Variants in HNRNPUL1 observed in about 807,000 individuals in gnomAD.
HNRNPUL1 encodes the protein heterogeneous nuclear ribonucleoprotein U-like protein 1.
HNRNPUL1 carries 14 observed loss-of-function variants against 108.5 expected under a neutral mutation model. That is an observed-to-expected ratio of 0.13 (90% CI 0.09 to 0.20). The LOEUF (loss-of-function observed/expected upper bound fraction) is 0.20, where lower values mean the gene tolerates loss of function less well. Among genes scored for constraint, HNRNPUL1 ranks in the 10% least tolerant of loss-of-function variants. HNRNPUL1 has a pLI of 1.00. For synonymous variants in HNRNPUL1, 422 were observed against 445.2 expected (o/e 0.95, Z 0.66); for missense variants, 804 against 1,168.3 (o/e 0.69, Z 4.55).
At chr19:41,303,529 T>C (rs918838151) in intron 12 of HNRNPUL1, among the ~76,000 whole-genome samples, 2 of 152,078 alleles carry the variant, frequency 1.3e-5, no homozygotes, top group Admixed American at 1.3e-4. Flanking sequence ...TAATTTTGTA[T>C]TTTTAGTAGA....
chr19:41,294,735 T>C lies in HNRNPUL1; in HGVS notation c.1518+49T>C. The C allele has an allele frequency of 6.2e-7, 1 of 1,605,300 alleles. No homozygotes were observed. Among genetic ancestry groups the C allele is most frequent in the Non-Finnish European group, 8.5e-7 (1 of 1,172,950 alleles). ...CCTCAGGAGAAGGGAGGGGACCCCTTGCATGCCTGAGAATCTCCCTCTGGT... is the reference window on the plus strand; with the variant it reads ...CCTCAGGAGAAGGGAGGGGACCCCTCGCATGCCTGAGAATCTCCCTCTGGT... On this transcript the variant is annotated intron_variant, in intron 10 of 14. Coordinates refer to ENST00000392006, the MANE Select transcript of HNRNPUL1 (RefSeq NM_007040.6). This position sits in a 1 kb window ranked among gnomAD's most constrained non-coding sequence, Gnocchi z 4.3.
rs1040513589 is a variant in HNRNPUL1, at chr19:41,306,670, G to A, written c.*105G>A. 3.1e-6 allele frequency: 2 copies of A among 652,478 alleles called. No homozygotes were observed. The highest frequency in any genetic ancestry group is 2.4e-6 in the Non-Finnish European group (1 of 410,822). The allele number at this position is 652,478 out of a possible 1,614,324, so 40.4% of individuals were successfully genotyped here. On this transcript the variant is annotated 3_prime_UTR_variant, in exon 15 of 15. Coordinates refer to ENST00000392006, the MANE Select transcript of HNRNPUL1 (RefSeq NM_007040.6). The stretch of plus-strand genomic sequence containing the variant: ...CCAGATCCCGTGGTGCTGGGGATGG[G>A]GTCATCCCAGGGCTGCCTCCCTCCA...
chr19:41,286,707 C>CTTTTTTTT (rs60441728), intron 7 of HNRNPUL1: 2 of 74,172 alleles, frequency 2.7e-5, no homozygotes, highest in African/African-American at 1.3e-4. Context: ...GGTGTGTACT[C>CTTTTTTTT]TTTTTTTTTT....
chr19:41,266,961 A>C (rs2034889552), intron 1 of HNRNPUL1, among the ~76,000 whole-genome samples: 1 of 152,184 alleles, frequency 6.6e-6, no homozygotes, highest in Non-Finnish European at 1.5e-5. Flanking sequence ...CTAGCAAGAA[A>C]GGGTAGTGGG....
At chr19:41,284,962 C>T (rs1347701044) in intron 7 of HNRNPUL1, among the ~76,000 whole-genome samples, 1 of 148,890 alleles carries the variant, frequency 6.7e-6, no homozygotes, top group Non-Finnish European at 1.5e-5. Context: ...CGCCACTGTA[C>T]TCCCGCCTGG....
chr19:41,307,684 A>G lies in HNRNPUL1; in HGVS notation c.*1119A>G, dbSNP rs2123042212. On this transcript the variant is annotated 3_prime_UTR_variant, in exon 15 of 15. Coordinates refer to ENST00000392006, the MANE Select transcript of HNRNPUL1 (RefSeq NM_007040.6). Reference sequence around the variant, plus strand: ...TGGCACCTCCTAGCAGGAAGGAAGCAGGGTTGAAACCCTGAAGTGTTACTG... The same window carrying G: ...TGGCACCTCCTAGCAGGAAGGAAGCGGGGTTGAAACCCTGAAGTGTTACTG... The G allele has an allele frequency of 6.5e-6, 1 of 152,752 alleles. No individual in the cohort carries two copies. Among genetic ancestry groups the G allele is most frequent in the Admixed American group, 6.5e-5 (1 of 15,300 alleles). The allele number at this position is 152,752 out of a possible 1,614,324, so 9.5% of individuals were successfully genotyped here. A position where few individuals can be genotyped will look rare whatever the true frequency, so the allele number is the denominator to read the frequency against.
chr19:41,270,766 T>C (rs1047100454), intron 2 of HNRNPUL1, among the ~76,000 whole-genome samples: 1 of 151,928 alleles, frequency 6.6e-6, no homozygotes, highest in African/African-American at 2.4e-5. Context: ...GCTAATTTTT[T>C]GTGTGTTTTT....
chr19:41,291,059 G>C (rs1303777175), intron 7 of HNRNPUL1, among the ~76,000 whole-genome samples: 1 of 152,144 alleles, frequency 6.6e-6, no homozygotes, highest in African/African-American at 2.4e-5. Flanking sequence ...CAAAAAGAGG[G>C]GGGATCTTAA....
intron 7 of HNRNPUL1, among the ~76,000 whole-genome samples, chr19:41,285,890 T>C (rs1599809953): frequency 6.6e-6 from 1 of 152,170 alleles, no homozygotes; most frequent in Non-Finnish European, 1.5e-5. Context: ...AACTACTGGC[T>C]GAGCGCAGTG....
rs751525863 is a variant in HNRNPUL1, at chr19:41,279,109, G to A, written c.819G>A (p.Pro273=). The A allele has an allele frequency of 6.8e-6, 11 of 1,613,950 alleles. No homozygotes were observed. Among genetic ancestry groups the A allele is most frequent in the South Asian group, 3.3e-5 (3 of 91,074 alleles). The part of the protein sequence containing the change: ...INEEISVKHL[P]STEPDPHVVR... ...AGGAAATCTCCGTGAAGCACCTTCC[G>A]TCTACAGAGCCTGACCCCCACGTGG... The change falls in exon 6 of 15, where the codon CCG becomes CCA. Residue 273 remains proline (P), a synonymous_variant. Coordinates refer to ENST00000392006, the MANE Select transcript of HNRNPUL1 (RefSeq NM_007040.6).
chr19:41,281,862 G>T (rs1302571207), intron 7 of HNRNPUL1, among the ~76,000 whole-genome samples: 2 of 152,314 alleles, frequency 1.3e-5, no homozygotes, highest in Admixed American at 1.3e-4. Context: ...ACCCAGTTAT[G>T]TTCTTCCATT....
At chr19:41,295,819 A>G (rs183080557) in intron 10 of HNRNPUL1, among the ~76,000 whole-genome samples, 2 of 152,364 alleles carry the variant, frequency 1.3e-5, no homozygotes, top group African/African-American at 2.4e-5. Flanking sequence ...AGGAATCGCC[A>G]GAGACCGAGT....
chr19:41,298,385 C>T (rs1454730450), intron 10 of HNRNPUL1: 16 of 152,242 alleles, frequency 1.1e-4, no homozygotes, highest in Admixed American at 1.0e-3. Flanking sequence ...GGAACCAAAG[C>T]AGCTGGAAAA....
At chr19:41,275,778 C>A (rs762394562) in intron 4 of HNRNPUL1, among the ~76,000 whole-genome samples, 1 of 152,170 alleles carries the variant, frequency 6.6e-6, no homozygotes, top group Non-Finnish European at 1.5e-5. Flanking sequence ...TGGGGAAGTT[C>A]CCTCTGCCTG....
In HNRNPUL1 at chr19:41,304,171, A is replaced by G; in HGVS notation, c.2172A>G (p.Pro724=). ...GCTACAGCCCTGCTCGGAACCCCCC[A>G]GGGGCCAGCACCTACAATAAGAACA... ...PPSYSPARNP[P]GASTYNKNSN... Residue 724 remains proline (P), a synonymous_variant, in exon 13 of 15, where the codon CCA becomes CCG. Coordinates refer to ENST00000392006, the MANE Select transcript of HNRNPUL1 (RefSeq NM_007040.6). The G allele has an allele frequency of 1.2e-6, 2 of 1,614,126 alleles. No homozygotes were observed. Among genetic ancestry groups the G allele is most frequent in the South Asian group, 2.2e-5 (2 of 91,082 alleles).
chr19:41,291,998 A>G (rs189132464), intron 7 of HNRNPUL1: 50 of 511,254 alleles, frequency 9.8e-5, no homozygotes, highest in African/African-American at 9.1e-4. Context: ...AAAAAACAAA[A>G]AAAAAAAACT....
chr19:41,269,936 A>G (rs959920577), intron 2 of HNRNPUL1, among the ~76,000 whole-genome samples: 1 of 152,198 alleles, frequency 6.6e-6, no homozygotes, highest in South Asian at 2.1e-4. Context: ...TCTATAAAAA[A>G]TAAAAATATT....
chr19:41,299,175 G>T (rs1337459730), intron 10 of HNRNPUL1, among the ~76,000 whole-genome samples: 1 of 152,122 alleles, frequency 6.6e-6, no homozygotes, highest in Non-Finnish European at 1.5e-5. Context: ...AGTGCTCTTT[G>T]TGGGCCGGTG....
chr19:41,279,114 C>T lies in HNRNPUL1; in HGVS notation c.824C>T (p.Thr275Ile), dbSNP rs1173520749. The T allele has an allele frequency of 1.9e-6, 3 of 1,614,100 alleles. No homozygotes were observed. Among genetic ancestry groups the T allele is most frequent in the East Asian group, 4.5e-5 (2 of 44,880 alleles). ...ATCTCCGTGAAGCACCTTCCGTCTA[C>T]AGAGCCTGACCCCCACGTGGTCCGT... is the stretch of plus-strand genomic sequence containing the variant. Reference protein sequence around the residue: ...EEISVKHLPSTEPDPHVVRIG... With the variant: ...EEISVKHLPSIEPDPHVVRIG... Residue 275 changes from threonine (T) to isoleucine (I), a missense_variant, in exon 6 of 15, where the codon ACA (threonine) becomes ATA (isoleucine). Thr to Ile is a moderately conservative substitution (Grantham distance 89). Around this residue, in one of 4 missense-constraint regions of HNRNPUL1, gnomAD observed 174 missense variants for 296.6 expected, o/e 0.59. Coordinates refer to ENST00000392006, the MANE Select transcript of HNRNPUL1 (RefSeq NM_007040.6).
Sources: allele counts gnomAD v4.1 joint callset (sites outside exome capture counted in the v4.1 genomes callset), GRCh38; gene constraint gnomAD v4.1.1; regional missense constraint gnomAD v4.1.1; non-coding constraint Gnocchi (gnomAD v3.1); transcripts MANE v1.5; gene names NCBI Gene and HGNC (gene_info 2026-07-23, HGNC 2026-07-21).